The following ARB2A variants were observed in gnomAD, a reference collection of about 807,000 sequenced individuals.
ARB2A encodes the protein cotranscriptional regulator ARB2A.
chr5:93,780,878 G>T, the ARB2A span, among the ~76,000 whole-genome samples: 4 of 152,164 alleles, frequency 2.6e-5, no homozygotes, highest in East Asian at 7.7e-4. Flanking sequence ...TTCTTTAAAG[G>T]AAACTGTTAC....
the ARB2A span, among the ~76,000 whole-genome samples, chr5:94,079,330 T>G: frequency 6.6e-6 from 1 of 152,316 alleles, no homozygotes; most frequent in Non-Finnish European, 1.5e-5. Flanking sequence ...ATGTATACAT[T>G]GGTCACAAGA....
the ARB2A span, among the ~76,000 whole-genome samples, chr5:93,924,188 T>C: frequency 6.6e-6 from 1 of 152,054 alleles, no homozygotes; most frequent in Non-Finnish European, 1.5e-5. Flanking sequence ...CTTTCATAGA[T>C]CATTTTTGAA....
chr5:93,751,093 C>T, the ARB2A span, among the ~76,000 whole-genome samples: 2 of 151,700 alleles, frequency 1.3e-5, no homozygotes, highest in African/African-American at 4.8e-5. Context: ...TAAAAAGTCT[C>T]ATTTATAGAA....
the ARB2A span, among the ~76,000 whole-genome samples, chr5:93,726,019 T>G: frequency 2.0e-5 from 3 of 151,976 alleles, no homozygotes; most frequent in Admixed American, 2.0e-4. Flanking sequence ...ACAGCAAAAA[T>G]GACTTGGGGC....
the ARB2A span, among the ~76,000 whole-genome samples, chr5:94,064,976 TACA>T: frequency 6.6e-6 from 1 of 151,574 alleles, no homozygotes; most frequent in Non-Finnish European, 1.5e-5. Context: ...ACAACCAAAC[TACA>T]ACAATAAACA....
chr5:93,805,542 C>T, the ARB2A span: 6 of 985,134 alleles, frequency 6.1e-6, no homozygotes, highest in Non-Finnish European at 7.2e-6. Context: ...AGTAATAAAA[C>T]AGCAGGCATC....
chr5:93,961,151 A>G, the ARB2A span, among the ~76,000 whole-genome samples: 1 of 152,292 alleles, frequency 6.6e-6, no homozygotes, highest in African/African-American at 2.4e-5. Context: ...ACCAAACACT[A>G]TGTCTAAACA....
At chr5:94,083,085 T>C in the ARB2A span, among the ~76,000 whole-genome samples, 7 of 152,286 alleles carry the variant, frequency 4.6e-5, no homozygotes, top group East Asian at 1.4e-3. Flanking sequence ...AAGACCACCA[T>C]CGCTTAGCCA....
the ARB2A span, among the ~76,000 whole-genome samples, chr5:93,707,877 T>A: frequency 6.6e-6 from 1 of 152,042 alleles, no homozygotes; most frequent in African/African-American, 2.4e-5. Flanking sequence ...GCTCGACCAG[T>A]ATTTTCTAAA....
the ARB2A span, among the ~76,000 whole-genome samples, chr5:94,075,303 T>C: frequency 6.6e-6 from 1 of 151,958 alleles, no homozygotes; most frequent in East Asian, 1.9e-4. Context: ...AGGGAAAAAT[T>C]AGCCCTTTTT....
At chr5:94,050,029 TC>T in the ARB2A span, among the ~76,000 whole-genome samples, 4 of 151,978 alleles carry the variant, frequency 2.6e-5, 1 homozygote, top group Admixed American at 2.6e-4. Flanking sequence ...AGCCTTGACT[TC>T]CTGGGCTCAA....
chr5:93,783,771 G>C, the ARB2A span, among the ~76,000 whole-genome samples: 1 of 152,108 alleles, frequency 6.6e-6, no homozygotes, highest in Non-Finnish European at 1.5e-5. Context: ...GTAATAATGG[G>C]AGCATATTCA....
chr5:93,810,588 G>C, the ARB2A span, among the ~76,000 whole-genome samples: 1 of 151,920 alleles, frequency 6.6e-6, no homozygotes, highest in African/African-American at 2.4e-5. Context: ...ATTTTTTGTA[G>C]AGATGGGGTC....
the ARB2A span, among the ~76,000 whole-genome samples, chr5:93,801,269 T>C: frequency 6.6e-6 from 1 of 152,136 alleles, no homozygotes; most frequent in African/African-American, 2.4e-5. Flanking sequence ...CTGGATACTC[T>C]ATTTATTTGT....
the ARB2A span, among the ~76,000 whole-genome samples, chr5:93,749,758 G>C: frequency 6.6e-6 from 1 of 152,092 alleles, no homozygotes; most frequent in Non-Finnish European, 1.5e-5. Flanking sequence ...ATACTTGTTT[G>C]TAATATCTAG....
the ARB2A span, among the ~76,000 whole-genome samples, chr5:94,031,574 G>T: frequency 1.3e-5 from 2 of 152,192 alleles, no homozygotes; most frequent in Non-Finnish European, 2.9e-5. Context: ...TCCCAGCAAG[G>T]ATTAGTAGTA....
chr5:93,847,920 G>T, the ARB2A span, among the ~76,000 whole-genome samples: 1 of 152,150 alleles, frequency 6.6e-6, no homozygotes, highest in Admixed American at 6.5e-5. Context: ...ATAGCACCTT[G>T]CAGTTCACAC....
the ARB2A span, among the ~76,000 whole-genome samples, chr5:93,721,314 A>T: frequency 6.6e-6 from 1 of 152,178 alleles, no homozygotes; most frequent in Non-Finnish European, 1.5e-5. Context: ...CTCATAGTTA[A>T]TCGTAAGATA....
chr5:93,657,406 C>T, the ARB2A span, among the ~76,000 whole-genome samples: 2 of 152,070 alleles, frequency 1.3e-5, no homozygotes, highest in African/African-American at 2.4e-5. Flanking sequence ...TCTTTCATGA[C>T]ATGTCTTATA....
Sources: gnomAD v4.1 joint callset for allele counts (sites outside exome capture counted in the v4.1 genomes callset) on GRCh38, gnomAD v4.1.1 for gene constraint, MANE v1.5 for transcripts, NCBI Gene and HGNC (gene_info 2026-07-23, HGNC 2026-07-21) for gene names.